The following WDPCP variants were observed in gnomAD, a reference collection of about 807,000 sequenced individuals.
The protein encoded by WDPCP is WD repeat-containing and planar cell polarity effector protein fritz homolog.
In WDPCP, 71 loss-of-function variants were observed where a neutral mutation model predicts 93.1. The ratio of observed to expected loss-of-function variants is 0.76; its 90% CI spans 0.63 to 0.93. The LOEUF is 0.93. Among genes scored for constraint, WDPCP ranks in the 40% least tolerant of loss-of-function variants. The probability of loss-of-function intolerance (pLI) is 0.00; values close to 1 mark genes in which losing one functional copy is unlikely to be tolerated. For missense variants in WDPCP, 844 were observed against 887.4 expected, an observed-to-expected ratio of 0.95 and a Z score of 0.62; for synonymous variants, 315 against 315.0, an observed-to-expected ratio of 1.00 and a Z score of 0.00.
intron 2 of WDPCP, among the ~76,000 whole-genome samples, chr2:63,763,219 A>G (rs1670083167): frequency 6.6e-6 from 1 of 152,060 alleles, no homozygotes; most frequent in Non-Finnish European, 1.5e-5. Flanking sequence ...GTATTTGTTG[A>G]TGGTCCGGGC....
intron 2 of WDPCP, among the ~76,000 whole-genome samples, chr2:63,655,713 G>A (rs1710159774): frequency 6.6e-6 from 1 of 151,998 alleles, no homozygotes; most frequent in South Asian, 2.1e-4. Context: ...ATATGTCCTT[G>A]TTTACTACCT....
At position 63,469,835 on chromosome 2, in the gene WDPCP, C is replaced by T. The variant is rs559105459; in HGVS notation, c.384+14769G>A. On this transcript the variant is annotated intron_variant, in intron 6 of 17. Coordinates refer to ENST00000272321, the MANE Select transcript of WDPCP (RefSeq NM_015910.7). ...CCTATATAACAAACCTGCACATGTA[C>T]TCTTGAACCTAAAATAAAAGTTTTT... 3.9e-5 allele frequency among the ~76,000 whole-genome samples: 6 copies of T among 152,264 alleles called. No individual in the cohort carries two copies. In the East Asian group the frequency reaches 1.2e-3, roughly 29 times the overall value.
intron 6 of WDPCP, among the ~76,000 whole-genome samples, chr2:63,454,017 A>C (rs1002785102): frequency 3.3e-5 from 5 of 151,216 alleles, no homozygotes; most frequent in African/African-American, 1.2e-4. Context: ...ATGATGAGTT[A>C]ATGGGTGCAG....
chr2:63,634,583 C>T (rs1709902214), intron 3 of WDPCP, among the ~76,000 whole-genome samples: 1 of 152,152 alleles, frequency 6.6e-6, no homozygotes, highest in African/African-American at 2.4e-5. Flanking sequence ...ATCTCAAGCA[C>T]ACATGGAACA....
At chr2:63,565,652 G>C (rs189447039) in intron 1 of WDPCP, among the ~76,000 whole-genome samples, 57 of 152,192 alleles carry the variant, frequency 3.7e-4, no homozygotes, top group African/African-American at 1.2e-3. Flanking sequence ...TAAAAAGCAA[G>C]CAGGAAATCA....
chr2:63,803,641 C>T (rs1038227875), intron 2 of WDPCP, among the ~76,000 whole-genome samples: 2 of 151,930 alleles, frequency 1.3e-5, no homozygotes, highest in African/African-American at 4.8e-5. Context: ...TTAAATATTA[C>T]ATTTATTCAT....
At chr2:63,525,347 A>C (rs1363060015) in intron 1 of WDPCP, among the ~76,000 whole-genome samples, 4 of 152,308 alleles carry the variant, frequency 2.6e-5, no homozygotes, top group African/African-American at 9.6e-5. Context: ...CCTCTGTGAC[A>C]TGCAATTTAC....
At chr2:63,443,165 A>C (rs1697618305) in intron 6 of WDPCP, 1 of 152,182 alleles carries the variant, frequency 6.6e-6, no homozygotes, top group Admixed American at 6.5e-5. Context: ...GCACTGTTCC[A>C]AGTGCTGAGA....
chr2:63,352,805 A>G (rs558830387), intron 12 of WDPCP, among the ~76,000 whole-genome samples: 1 of 152,310 alleles, frequency 6.6e-6, no homozygotes, highest in South Asian at 2.1e-4. Flanking sequence ...TGAGGGTGCA[A>G]GCTCTGTGCC....
Position 63,744,532 on chromosome 2 carries a change from T to G in WDPCP, n.308+69090A>C, listed in dbSNP as rs561532713. ...CAGACCAAGGACACAGAACTCAGACTCTCTGGAAAACAACGTCTCTCATAT... is the reference window on the plus strand; with the variant it reads ...CAGACCAAGGACACAGAACTCAGACGCTCTGGAAAACAACGTCTCTCATAT... On this transcript the variant is annotated intron_variant and non_coding_transcript_variant, in intron 2 of 4. Coordinates refer to the WDPCP transcript ENST00000467687. 6.6e-5 allele frequency among the ~76,000 whole-genome samples: 10 copies of G among 152,210 alleles called. No individual in the cohort carries two copies. In the South Asian group the frequency reaches 2.1e-3, roughly 32 times the overall value.
intron 2 of WDPCP, among the ~76,000 whole-genome samples, chr2:63,773,299 T>C (rs563061687): frequency 6.6e-6 from 1 of 152,086 alleles, no homozygotes; most frequent in Admixed American, 6.6e-5. Context: ...ATATGGAGAA[T>C]CTCATAAGCA....
intron 6 of WDPCP, among the ~76,000 whole-genome samples, chr2:63,481,336 T>C (rs746375495): frequency 1.1e-4 from 16 of 151,898 alleles, no homozygotes; most frequent in Non-Finnish European, 1.9e-4. Flanking sequence ...AGTGTGGAGA[T>C]TCCTTAAAGA....
intron 3 of WDPCP, among the ~76,000 whole-genome samples, chr2:63,613,059 A>G (rs1289352241): frequency 6.6e-6 from 1 of 152,090 alleles, no homozygotes; most frequent in Admixed American, 6.5e-5. Flanking sequence ...GGCCATGTTA[A>G]AGTACTTGGA....
chr2:63,541,124 T>C (rs1290306838), intron 1 of WDPCP, among the ~76,000 whole-genome samples: 3 of 152,022 alleles, frequency 2.0e-5, no homozygotes, highest in African/African-American at 7.2e-5. Context: ...CAGGCATGTG[T>C]CATCACATCT....
intron 13 of WDPCP, among the ~76,000 whole-genome samples, chr2:63,292,488 T>G (rs1684521952): frequency 6.6e-6 from 1 of 152,212 alleles, no homozygotes; most frequent in Non-Finnish European, 1.5e-5. Context: ...TAAGTTTGGA[T>G]GAGTCAGAAT....
intron 9 of WDPCP, among the ~76,000 whole-genome samples, chr2:63,423,546 A>T (rs1444291590): frequency 6.6e-6 from 1 of 152,216 alleles, no homozygotes; most frequent in East Asian, 1.9e-4. Context: ...TTTTTGGTTA[A>T]TTTGGTAAAC....
intron 8 of WDPCP, 27 bp downstream of exon 8, chr2:63,437,389 AATAAT>A: frequency 6.6e-7 from 1 of 1,517,494 alleles, no homozygotes; most frequent in South Asian, 1.2e-5. Flanking sequence ...CTTAATAATT[AATAAT>A]ATGACTATAT....
intron 2 of WDPCP, among the ~76,000 whole-genome samples, chr2:63,732,119 A>C (rs1669569357): frequency 6.6e-6 from 1 of 152,224 alleles, no homozygotes; most frequent in South Asian, 2.1e-4. Context: ...CTTACAATAA[A>C]GTAGAAGCCA....
intron 14 of WDPCP, among the ~76,000 whole-genome samples, chr2:63,175,553 T>A (rs777449188): frequency 6.6e-6 from 1 of 152,204 alleles, no homozygotes; most frequent in Non-Finnish European, 1.5e-5. Context: ...AACTTTTTTG[T>A]CTTGCAAAAC....
Sources: gnomAD v4.1 joint callset for allele counts (sites outside exome capture counted in the v4.1 genomes callset) on GRCh38, gnomAD v4.1.1 for gene constraint, MANE v1.5 for transcripts, NCBI Gene and HGNC (gene_info 2026-07-23, HGNC 2026-07-21) for gene names.